The following HMCN1 variants were observed in gnomAD, a reference collection of about 807,000 sequenced individuals.
HMCN1 encodes the protein hemicentin 1.
A neutral mutation model predicts 625.9 loss-of-function variants in HMCN1; 321 were observed. That is an observed-to-expected ratio of 0.51 (90% CI 0.47 to 0.56). HMCN1 has a LOEUF of 0.56. Ranked by LOEUF, HMCN1 falls within the 20% of genes least tolerant of loss-of-function variation. The pLI is 0.00. For synonymous variants in HMCN1, 2,425 were observed against 2,417.6 expected (o/e 1.00, Z -0.09); for missense variants, 6,588 against 6,887.3 (o/e 0.96, Z 1.54).
At chr1:186,075,845 G>T (rs1199380840) in intron 53 of HMCN1, among the ~76,000 whole-genome samples, 2 of 152,046 alleles carry the variant, frequency 1.3e-5, no homozygotes, top group Non-Finnish European at 2.9e-5. Context: ...TCTAAGGGTG[G>T]AAATTTTAGG....
At chr1:186,015,764 A>G (rs1288813961) in intron 31 of HMCN1, among the ~76,000 whole-genome samples, 194 bp from the exon 32 acceptor site, 1 of 152,172 alleles carries the variant, frequency 6.6e-6, no homozygotes. Flanking sequence ...CAGAGTTTCC[A>G]GAATAATTAG....
At chr1:185,812,807 C>A (rs1357338045) in intron 1 of HMCN1, among the ~76,000 whole-genome samples, 6 of 135,852 alleles carry the variant, frequency 4.4e-5, no homozygotes, top group Non-Finnish European at 7.4e-5. Context: ...AATCCCCCCC[C>A]ACACACATTC....
At chr1:186,168,474 C>T (rs1013416162) in intron 100 of HMCN1, among the ~76,000 whole-genome samples, 6 of 106,480 alleles carry the variant, frequency 5.6e-5, no homozygotes, top group Admixed American at 4.8e-4. Flanking sequence ...TATATGATCA[C>T]ATCTGTGTTT....
At chr1:186,046,140 C>T (rs1656555766) in intron 41 of HMCN1, among the ~76,000 whole-genome samples, 1 of 152,048 alleles carries the variant, frequency 6.6e-6, no homozygotes, top group African/African-American at 2.4e-5. Context: ...TTCAGTCTTC[C>T]AGCCAATCAC....
chr1:185,873,390 G>C (rs1208454499), intron 4 of HMCN1, among the ~76,000 whole-genome samples: 2 of 152,130 alleles, frequency 1.3e-5, no homozygotes, highest in East Asian at 3.9e-4. Flanking sequence ...CTAAAGATTT[G>C]AATTGAGAAA....
At position 185,982,387 on chromosome 1, in the gene HMCN1, A is replaced by G. The variant is rs534341110; in HGVS notation, c.2788A>G (p.Met930Val). The G allele has an allele frequency of 1.2e-6, 2 of 1,612,000 alleles. No homozygotes were observed. The highest frequency in any genetic ancestry group is 1.7e-6 in the Non-Finnish European group (2 of 1,178,578). The change falls in exon 18 of 107, where the codon ATG becomes GTG. Residue 930 changes from methionine to valine, a missense_variant and splice_region_variant. Met to Val is a conservative substitution (Grantham distance 21). Transcript: ENST00000271588. ...ACGTCGGTGGATTAAGAATTCAGCT[A>G]TGGTAAGAACATTTTAAATGCATGC... ...PERRWIKNSA[M>V]LLQNPYITVR...
intron 97 of HMCN1, among the ~76,000 whole-genome samples, chr1:186,161,082 T>C (rs1315138031): frequency 6.6e-6 from 1 of 152,146 alleles, no homozygotes; most frequent in Admixed American, 6.5e-5. Flanking sequence ...TCTAAGGACT[T>C]GCTTTATGAA....
Position 186,185,135 on chromosome 1 carries a change from C to T in HMCN1, c.16415-2748C>T, listed in dbSNP as rs181800539. Among the ~76,000 whole-genome samples the T allele has an allele frequency of 2.7e-3, 407 of 152,188 alleles. 4 individuals are homozygous for T. The highest frequency in any genetic ancestry group is 1.0e-3 in the Non-Finnish European group (69 of 68,012). On this transcript the variant is annotated intron_variant, in intron 105 of 106. Transcript: ENST00000271588. ...ATTTCTTTATAGATTCATATTTACC[C>T]AATGAAAATATATCATAAGGTAACT...
intron 42 of HMCN1, among the ~76,000 whole-genome samples, 165 bp downstream of exon 42, chr1:186,049,004 A>T (rs1656769615): frequency 6.6e-6 from 1 of 152,074 alleles, no homozygotes; most frequent in African/African-American, 2.4e-5. Flanking sequence ...TCATATAACT[A>T]CTTCGAGAGT....
intron 46 of HMCN1, among the ~76,000 whole-genome samples, chr1:186,060,162 A>C (rs576984307): frequency 5.9e-5 from 9 of 152,214 alleles, no homozygotes; most frequent in Admixed American, 5.9e-4. Flanking sequence ...TTCACCTTTC[A>C]GTGGGTTTAG....
chr1:186,117,669 A>G (rs1479445032), intron 77 of HMCN1, 46 bp downstream of exon 77: 1 of 1,543,380 alleles, frequency 6.5e-7, no homozygotes, highest in South Asian at 1.1e-5. Context: ...TGTATTATTT[A>G]TTGATGCATA....
intron 69 of HMCN1, among the ~76,000 whole-genome samples, chr1:186,105,939 C>G (rs1660588712): frequency 6.6e-6 from 1 of 152,138 alleles, no homozygotes; most frequent in Non-Finnish European, 1.5e-5. Context: ...AATGGCACAT[C>G]ATTTTAAAAT....
intron 11 of HMCN1, among the ~76,000 whole-genome samples, chr1:185,943,728 G>A (rs897960678): frequency 1.3e-5 from 2 of 152,260 alleles, no homozygotes; most frequent in Admixed American, 1.3e-4. Flanking sequence ...ATCATTGGCT[G>A]TTTGGTTATT....
rs767276797 is a variant in HMCN1 at position 185,933,553 on chromosome 1, C to A, written c.1557C>A (p.Pro519=). 7 of 1,613,748 alleles carry A rather than the reference C, an allele frequency of 4.3e-6. No individual in the cohort carries two copies. In the Admixed American group the frequency reaches 1.2e-4, roughly 27 times the overall value. ...RAQTFFDVSE[P]PPVIQVPNNV... ...GAATTTTTTGATTTCACACAGAGCC[C>A]CCTCCGGTCATCCAAGTGCCTAACA... The change falls in exon 11 of 107, where the codon CCC becomes CCA. Residue 519 remains proline, a synonymous_variant. Transcript: ENST00000271588.
intron 10 of HMCN1, among the ~76,000 whole-genome samples, chr1:185,931,345 T>A (rs1400281912): frequency 6.6e-6 from 1 of 152,178 alleles, no homozygotes; most frequent in Non-Finnish European, 1.5e-5. Flanking sequence ...TCTGATAATC[T>A]GTAATCTTGG....
chr1:186,071,093 A>T (rs1658453343), intron 52 of HMCN1, among the ~76,000 whole-genome samples: 1 of 152,168 alleles, frequency 6.6e-6, no homozygotes, highest in Non-Finnish European at 1.5e-5. Flanking sequence ...TTAGGGAAAC[A>T]GTTCTTTTCA....
chr1:186,065,522 G>A (rs938061681), intron 49 of HMCN1, 93 bp downstream of exon 49: 70 of 912,974 alleles, frequency 7.7e-5, no homozygotes, highest in South Asian at 3.4e-4. Context: ...TGTTTCCGTC[G>A]TAGAATTTCA....
intron 40 of HMCN1, among the ~76,000 whole-genome samples, chr1:186,042,260 A>C (rs1320694662): frequency 6.6e-6 from 1 of 152,152 alleles, no homozygotes; most frequent in African/African-American, 2.4e-5. Flanking sequence ...AGGAATTTTA[A>C]CTTCCTCCCT....
chr1:185,791,831 T>C (rs1429075887), intron 1 of HMCN1, among the ~76,000 whole-genome samples: 1 of 152,226 alleles, frequency 6.6e-6, no homozygotes, highest in Non-Finnish European at 1.5e-5. Context: ...TATAAATGTG[T>C]AGGACAATCT....
Sources: gnomAD v4.1 joint callset for allele counts (sites outside exome capture counted in the v4.1 genomes callset) on GRCh38, gnomAD v4.1.1 for gene constraint, MANE v1.5 for transcripts, NCBI Gene and HGNC (gene_info 2026-07-23, HGNC 2026-07-21) for gene names.